Variants in VAV2 observed in about 807,000 individuals in gnomAD.
VAV2 encodes the protein guanine nucleotide exchange factor VAV2.
Under a neutral mutation model 132.5 loss-of-function variants are expected in VAV2, and 67 were observed. That is an observed-to-expected ratio of 0.51 (90% confidence interval 0.42 to 0.62). VAV2 has a LOEUF of 0.62. Among genes scored for constraint, VAV2 ranks in the 20% least tolerant of loss-of-function variants. The probability of loss-of-function intolerance (pLI) is 0.00; values close to 1 mark genes in which losing one functional copy is unlikely to be tolerated. For synonymous variants in VAV2, 492 were observed against 443.5 expected, an observed-to-expected ratio of 1.11 and a Z score of -1.37; for missense variants, 938 against 1,153.6, an observed-to-expected ratio of 0.81 and a Z score of 2.71.
chr9:133,964,070 A>ATATATGT (rs1564507864), intron 1 of VAV2, among the ~76,000 whole-genome samples: 2 of 89,384 alleles, frequency 2.2e-5, no homozygotes, highest in Admixed American at 2.3e-4. Flanking sequence ...CATATATATA[A>ATATATGT]ATGAATAGGC....
At chr9:133,888,271 C>T (rs1011031791) in intron 2 of VAV2, among the ~76,000 whole-genome samples, 1 of 152,212 alleles carries the variant, frequency 6.6e-6, no homozygotes. Flanking sequence ...GTTCGGGAGA[C>T]GGACGGTGGT....
At chr9:133,881,367 C>T (rs1323785972) in intron 2 of VAV2, among the ~76,000 whole-genome samples, 2 of 152,216 alleles carry the variant, frequency 1.3e-5, no homozygotes, top group Admixed American at 1.3e-4. Flanking sequence ...GGCTTGTGAA[C>T]AGGACTGAGA....
At chr9:133,930,356 T>TGCCTCCCAGCAGC (rs1840636716) in intron 2 of VAV2, among the ~76,000 whole-genome samples, 4 of 18,762 alleles carry the variant, frequency 2.1e-4, no homozygotes, top group African/African-American at 3.7e-4. Flanking sequence ...CCTCCTGGCC[T>TGCCTCCCAGCAGC]CTTCACTACC....
At chr9:133,888,158 G>A (rs1013478912) in intron 2 of VAV2, among the ~76,000 whole-genome samples, 10 of 152,162 alleles carry the variant, frequency 6.6e-5, no homozygotes, top group Non-Finnish European at 1.2e-4. Context: ...CCTGGAGCCG[G>A]CAGACTCACG....
chr9:133,791,435 G>C (rs1834456501), intron 13 of VAV2, among the ~76,000 whole-genome samples: 1 of 152,176 alleles, frequency 6.6e-6, no homozygotes, highest in Non-Finnish European at 1.5e-5. Flanking sequence ...GCCCCTGGGA[G>C]ACACAGTTCT....
rs1839917251 is a variant in VAV2, at chr9:133,912,423, G to A, written c.321+26680C>T. Among the ~76,000 whole-genome samples, 1 of 152,176 alleles carries A rather than the reference G, an allele frequency of 6.6e-6. No homozygotes were observed. Among genetic ancestry groups the A allele is most frequent in the African/African-American group, 2.4e-5 (1 of 41,440 alleles). On this transcript the variant is annotated intron_variant, in intron 2 of 29. Transcript: ENST00000371850. The surrounding 1 kb of genome is among the most constrained non-coding windows in gnomAD (Gnocchi z 4.3). ...AGGCTTCTGGAGGACAGTGTGCCTA[G>A]ATGAAGGAACCAGGACGCAGTGGCG...
intron 2 of VAV2, among the ~76,000 whole-genome samples, chr9:133,903,294 C>G (rs1422765368): frequency 6.6e-6 from 1 of 152,028 alleles, no homozygotes; most frequent in Non-Finnish European, 1.5e-5. Context: ...TTTCACAGGG[C>G]TCCTTCCCTC....
intron 2 of VAV2, among the ~76,000 whole-genome samples, chr9:133,937,045 A>G (rs945313957): frequency 1.3e-5 from 2 of 152,382 alleles, no homozygotes; most frequent in East Asian, 3.8e-4. Context: ...ATTCCGCCAT[A>G]GCAAATTAAA....
chr9:133,868,041 T>C (rs1217884495), intron 2 of VAV2, among the ~76,000 whole-genome samples: 1 of 152,226 alleles, frequency 6.6e-6, no homozygotes, highest in African/African-American at 2.4e-5. Flanking sequence ...ACCAGGAGAC[T>C]TGGAGTGAGA....
intron 1 of VAV2, among the ~76,000 whole-genome samples, chr9:133,975,499 CACG>C (rs759303344): frequency 3.0e-4 from 46 of 152,344 alleles, no homozygotes; most frequent in Non-Finnish European, 5.9e-4. Flanking sequence ...ATTTTCAAAA[CACG>C]ACATGTATTG....
chr9:133,886,448 C>T (rs888741304), intron 2 of VAV2, among the ~76,000 whole-genome samples: 1 of 152,222 alleles, frequency 6.6e-6, no homozygotes, highest in Non-Finnish European at 1.5e-5. Flanking sequence ...CCATCTGACG[C>T]CACAGTCTGA....
intron 4 of VAV2, among the ~76,000 whole-genome samples, chr9:133,819,901 T>A (rs574756752): frequency 2.7e-4 from 41 of 152,288 alleles, no homozygotes; most frequent in Non-Finnish European, 4.6e-4. Flanking sequence ...TTTCAAAAAA[T>A]AAAATTAAAT....
At chr9:133,829,360 G>A (rs1836175297) in intron 4 of VAV2, among the ~76,000 whole-genome samples, 1 of 152,252 alleles carries the variant, frequency 6.6e-6, no homozygotes, top group Non-Finnish European at 1.5e-5. Flanking sequence ...TAACTTCAGT[G>A]TTATACGTGC....
intron 1 of VAV2, among the ~76,000 whole-genome samples, chr9:133,981,628 A>G (rs775107157): frequency 1.4e-4 from 21 of 152,160 alleles, no homozygotes; most frequent in Non-Finnish European, 2.8e-4. Flanking sequence ...AAATCTTTCC[A>G]AGAGTCTGCA....
intron 1 of VAV2, among the ~76,000 whole-genome samples, chr9:133,989,242 C>T (rs753570877): frequency 1.3e-5 from 2 of 151,240 alleles, no homozygotes; most frequent in Non-Finnish European, 2.9e-5. Context: ...GGGAGGCTGA[C>T]GCAGGAGAAT....
rs778587513 is a variant in VAV2 at position 133,824,323 on chromosome 9, G to A, written c.449+9949C>T. Among the ~76,000 whole-genome samples the A allele has an allele frequency of 9.2e-5, 14 of 152,030 alleles. No homozygotes were observed. Among genetic ancestry groups the A allele is most frequent in the South Asian group, 2.1e-4 (1 of 4,812 alleles). ...GGACTGCCTACAGAGGATCCCCACC[G>A]AGCCAGGTCCACCAGCCCTCAGTTC... On this transcript the variant is annotated intron_variant, in intron 4 of 29. Transcript: ENST00000371850. This position sits in a 1 kb window ranked among gnomAD's most constrained non-coding sequence, Gnocchi z 5.2.
chr9:133,911,197 A>G (rs1046733735), intron 2 of VAV2, among the ~76,000 whole-genome samples: 5 of 152,200 alleles, frequency 3.3e-5, no homozygotes, highest in African/African-American at 1.2e-4. Flanking sequence ...ACTAAAAAGG[A>G]AAGAGCCTGC....
chr9:133,764,469 A>T (rs1833370662), intron 29 of VAV2, among the ~76,000 whole-genome samples: 1 of 152,236 alleles, frequency 6.6e-6, no homozygotes, highest in African/African-American at 2.4e-5. Flanking sequence ...CAGACAGTAG[A>T]AATCAACCCA....
chr9:133,816,643 G>A (rs1835570451), intron 4 of VAV2, among the ~76,000 whole-genome samples: 1 of 152,214 alleles, frequency 6.6e-6, no homozygotes, highest in African/African-American at 2.4e-5. Flanking sequence ...TGAGGAAGGA[G>A]GATTGCTGGA....
Sources: gnomAD v4.1 joint callset for allele counts (sites outside exome capture counted in the v4.1 genomes callset) on GRCh38, gnomAD v4.1.1 for gene constraint, Gnocchi (gnomAD v3.1) non-coding constraint, MANE v1.5 for transcripts, NCBI Gene and HGNC (gene_info 2026-07-23, HGNC 2026-07-21) for gene names.